Variants in TTC21B observed in about 807,000 individuals in gnomAD.
TTC21B encodes tetratricopeptide repeat domain 21B, also known as tetratricopeptide repeat protein 21B.
TTC21B carries 127 observed loss-of-function variants against 175.1 expected under a neutral mutation model. The observed-to-expected ratio is 0.73, with a 90% CI of 0.63 to 0.84. The LOEUF (loss-of-function observed/expected upper bound fraction) is 0.84. Ranked by LOEUF, TTC21B falls within the 40% of genes least tolerant of loss-of-function variation. TTC21B has a pLI of 0.00. For missense variants in TTC21B, 1,561 were observed against 1,558.3 expected (o/e 1.00, Z -0.03); for synonymous variants, 524 against 524.5 (o/e 1.00, Z 0.01).
rs766476385 is a variant in TTC21B, at chr2:165,943,287, T to C, written c.484A>G (p.Lys162Glu). 1.2e-6 allele frequency: 2 copies of C among 1,612,270 alleles called. No homozygotes were observed. Among genetic ancestry groups the C allele is most frequent in the Middle Eastern group, 1.7e-4 (1 of 6,056 alleles). The change falls in exon 5 of 29, where the codon AAA becomes GAA. Residue 162 changes from lysine (K) to glutamate (E), a missense_variant. Lys to Glu is a moderately conservative substitution (Grantham distance 56). Coordinates refer to ENST00000243344, the MANE Select transcript of TTC21B (RefSeq NM_024753.5). ...TCTTCAAAATACTTCAGTGCTTTTT[T>C]AGTGTAAGGCTCTTTTCCTCTTGTA... ...DITRGKEPYT[K>E]KALKYFEEGL...
At chr2:165,894,599 A>G (rs1405183321) in intron 22 of TTC21B, among the ~76,000 whole-genome samples, 1 of 152,146 alleles carries the variant, frequency 6.6e-6, no homozygotes, top group African/African-American at 2.4e-5. Context: ...TTTTGAGACC[A>G]AGTCTCACTC....
In TTC21B at chr2:165,876,762, G is replaced by T. The variant is rs572192087; in HGVS notation, c.3806-530C>A. ...TCCAGGCCAAGTGAGTTACCATAAA[G>T]AACCTGAAGGGTATCAAGAGATGTC... On this transcript the variant is annotated intron_variant, in intron 27 of 28. Transcript: ENST00000243344. Among the ~76,000 whole-genome samples the T allele has an allele frequency of 5.2e-4, 79 of 152,308 alleles. No homozygotes were observed. In the South Asian group the frequency reaches 7.7e-3, roughly 15 times the overall value.
chr2:165,948,468 T>C (rs1483669730), intron 3 of TTC21B: 1 of 152,250 alleles, frequency 6.6e-6, no homozygotes, highest in Non-Finnish European at 1.5e-5. Flanking sequence ...GATTTGCATA[T>C]GTATGAAGGA....
At chr2:165,912,145 C>T (rs1055196661) in intron 17 of TTC21B, among the ~76,000 whole-genome samples, 1 of 151,966 alleles carries the variant, frequency 6.6e-6, no homozygotes, top group Non-Finnish European at 1.5e-5. Flanking sequence ...AAATCTGTTT[C>T]CCTTACTGGA....
At chr2:165,888,612 GTAAA>G in intron 24 of TTC21B, 138 bp from the exon 25 acceptor site, 1 of 691,784 alleles carries the variant, frequency 1.4e-6, no homozygotes, top group African/African-American at 1.8e-5. Flanking sequence ...GTAATCTTTT[GTAAA>G]GAATGTCACT....
At chr2:165,941,256 G>A in intron 5 of TTC21B, 72 bp from the exon 6 acceptor site, 1 of 1,540,538 alleles carries the variant, frequency 6.5e-7, no homozygotes, top group Non-Finnish European at 9.0e-7. Flanking sequence ...CGCAGAGCAG[G>A]CAGAGTATGA....
Position 165,912,531 on chromosome 2 carries a change from T to TGC in TTC21B, c.2304_2305insGC (p.Thr769AlafsTer16). The TGC allele has an allele frequency of 6.2e-7, 1 of 1,613,586 alleles. No individual in the cohort carries two copies. Among genetic ancestry groups the TGC allele is most frequent in the South Asian group, 1.1e-5 (1 of 91,082 alleles). On this transcript the variant is annotated frameshift_variant, in exon 17 of 29. Coordinates refer to ENST00000243344, the MANE Select transcript of TTC21B (RefSeq NM_024753.5). LOFTEE classifies it high-confidence loss of function. The stretch of plus-strand genomic sequence containing the variant: ...GTACTTACCATTGAGTAGTTATGAG[T>TGC]TTTGATAAGTGCTTTGCCCATTTTG...
intron 17 of TTC21B, among the ~76,000 whole-genome samples, chr2:165,911,668 A>ATT (rs1167955966): frequency 2.1e-4 from 28 of 134,732 alleles, no homozygotes; most frequent in Admixed American, 1.1e-3. Context: ...ATATATATAT[A>ATT]TTTTTTTTTT....
intron 6 of TTC21B, among the ~76,000 whole-genome samples, chr2:165,937,771 CCACACACACACACACA>C (rs4001021): frequency 0.011 from 1,356 of 127,628 alleles, 17 homozygotes; most frequent in African/African-American, 0.031. Flanking sequence ...TATATAGAAA[CCACACACACACACACA>C]CACACACACA....
Position 165,949,462 on chromosome 2 carries a change from T to G in TTC21B, c.194A>C (p.Asn65Thr), listed in dbSNP as rs1559078625. 1 of 1,613,912 alleles carries G rather than the reference T, an allele frequency of 6.2e-7. No homozygotes were observed. The highest frequency in any genetic ancestry group is 8.5e-7 in the Non-Finnish European group (1 of 1,179,878). Residue 65 changes from asparagine to threonine, a missense_variant, in exon 3 of 29, where the codon AAT (asparagine) becomes ACT (threonine). Transcript: ENST00000243344. ...AGAACAAAGTGATACATCTTGTTTA[T>G]TTTTAATAGCCTCAAATTCTCGAAG... ...EALREFEAIKNKQDVSLCSLL... is the reference protein window; with the variant it reads ...EALREFEAIKTKQDVSLCSLL...
chr2:165,892,800 T>C (rs953911201), intron 22 of TTC21B, among the ~76,000 whole-genome samples: 25 of 152,290 alleles, frequency 1.6e-4, no homozygotes, highest in African/African-American at 6.0e-4. Flanking sequence ...GGTGATGACT[T>C]ACACAACAAT....
Position 165,917,375 on chromosome 2 carries a change from C to G in TTC21B, c.1781G>C (p.Gly594Ala). Reference sequence around the variant, plus strand: ...TGTGGAAGCTCCAATTCTTTTCATTCCTGGTAAACTCATTGCCATATGCAG... The same window carrying G: ...TGTGGAAGCTCCAATTCTTTTCATTGCTGGTAAACTCATTGCCATATGCAG... The part of the protein sequence containing the change: ...KTLHMAMSLP[G>A]MKRIGASTKS... The change falls in exon 14 of 29, where the codon GGA becomes GCA. Residue 594 changes from glycine to alanine, a missense_variant. Gly to Ala is a moderately conservative substitution (Grantham distance 60). Coordinates refer to ENST00000243344, the MANE Select transcript of TTC21B (RefSeq NM_024753.5). 1 of 1,614,128 alleles carries G rather than the reference C, an allele frequency of 6.2e-7. No homozygotes were observed. The highest frequency in any genetic ancestry group is 1.3e-5 in the African/African-American group (1 of 75,046).
intron 8 of TTC21B, 26 bp downstream of exon 8, chr2:165,931,731 GC>G: frequency 6.4e-7 from 1 of 1,565,796 alleles, no homozygotes; most frequent in South Asian, 1.1e-5. Flanking sequence ...AGATAACAGA[GC>G]TCTGGTACAT....
intron 18 of TTC21B, among the ~76,000 whole-genome samples, chr2:165,911,053 TA>T (rs1685915099): frequency 6.6e-6 from 1 of 152,182 alleles, no homozygotes; most frequent in Admixed American, 6.5e-5. Context: ...CTAATGTGTT[TA>T]AATATGAGAT....
chr2:165,905,397 T>C (rs1685693000), intron 19 of TTC21B, among the ~76,000 whole-genome samples: 1 of 151,864 alleles, frequency 6.6e-6, no homozygotes. Flanking sequence ...AAGAAAAAAA[T>C]TGTATGCTGA....
intron 3 of TTC21B, among the ~76,000 whole-genome samples, chr2:165,946,992 C>T (rs766007302): frequency 6.6e-5 from 10 of 151,402 alleles, no homozygotes; most frequent in South Asian, 2.1e-4. Flanking sequence ...TGGTACTCAA[C>T]GTATTAATAA....
chr2:165,945,570 C>T lies in TTC21B; in HGVS notation c.383G>A (p.Arg128Lys). The change falls in exon 4 of 29, where the codon AGG (arginine) becomes AAG (lysine). Residue 128 changes from arginine to lysine, a missense_variant. By Grantham distance (26) the Arg-to-Lys change is conservative. Transcript: ENST00000243344. The part of the protein sequence containing the change: ...LWHIGRHDKA[R>K]EYIDRMIKIS... ...TTTGATCATTCTGTCAATATATTCC[C>T]TTGCTTTATCATGGCGACCAATGTG... The T allele has an allele frequency of 6.2e-7, 1 of 1,613,706 alleles. No homozygotes were observed. The highest frequency in any genetic ancestry group is 1.1e-5 in the South Asian group (1 of 91,078).
At chr2:165,876,838 ACT>A (rs1345726988) in intron 27 of TTC21B, among the ~76,000 whole-genome samples, 2 of 152,152 alleles carry the variant, frequency 1.3e-5, no homozygotes, top group East Asian at 3.9e-4. Context: ...AATCAAGGAC[ACT>A]CTCAGACAGA....
chr2:165,886,779 G>A (rs1266160708), intron 25 of TTC21B, among the ~76,000 whole-genome samples: 2 of 152,160 alleles, frequency 1.3e-5, no homozygotes, highest in African/African-American at 4.8e-5. Context: ...ATTGTTATGA[G>A]ATAGAATAGC....
Sources: allele counts gnomAD v4.1 joint callset (sites outside exome capture counted in the v4.1 genomes callset), GRCh38; gene constraint gnomAD v4.1.1; transcripts MANE v1.5; gene names NCBI Gene and HGNC (gene_info 2026-07-23, HGNC 2026-07-21).